The following PAK5 variants were observed in gnomAD, a reference collection of about 807,000 sequenced individuals.
PAK5 encodes the protein p21 (RAC1) activated kinase 5, also known as serine/threonine-protein kinase PAK 5.
PAK5 carries 16 observed loss-of-function variants against 65.9 expected under a neutral mutation model. The observed-to-expected ratio is 0.24, with a 90% CI of 0.16 to 0.37. The LOEUF (loss-of-function observed/expected upper bound fraction) is 0.37, where lower values mean the gene tolerates loss of function less well. Among genes scored for constraint, PAK5 ranks in the 10% least tolerant of loss-of-function variants. The pLI, the probability that PAK5 is intolerant of heterozygous loss-of-function variation, is 1.00. For missense variants in PAK5, 785 were observed against 903.9 expected (o/e 0.87, Z 1.69); for synonymous variants, 371 against 354.9 (o/e 1.05, Z -0.51).
intron 1 of PAK5, among the ~76,000 whole-genome samples, chr20:9,744,781 C>G (rs547164022): frequency 6.6e-6 from 1 of 152,278 alleles, no homozygotes; most frequent in East Asian, 1.9e-4. Flanking sequence ...GTTGACACAC[C>G]CACAGCCCTC....
At chr20:9,739,277 C>T (rs1348766384) in intron 1 of PAK5, among the ~76,000 whole-genome samples, 1 of 150,166 alleles carries the variant, frequency 6.7e-6, no homozygotes, top group Non-Finnish European at 1.5e-5. Context: ...TAAGTGCTCA[C>T]TGACTTCTCT....
At chr20:9,611,567 C>T (rs1423935286) in intron 3 of PAK5, among the ~76,000 whole-genome samples, 14 of 152,224 alleles carry the variant, frequency 9.2e-5, no homozygotes, top group Non-Finnish European at 1.5e-4. Context: ...ATATAAGCCC[C>T]AAGGTCTAGT....
chr20:9,822,246 G>A (rs1463891949), intron 1 of PAK5, among the ~76,000 whole-genome samples: 1 of 145,112 alleles, frequency 6.9e-6, no homozygotes, highest in Non-Finnish European at 1.5e-5. Context: ...CTGAGATCCT[G>A]CCACTGCACT....
chr20:9,799,558 C>A (rs1450929840), intron 1 of PAK5, among the ~76,000 whole-genome samples: 1 of 151,972 alleles, frequency 6.6e-6, no homozygotes, highest in Non-Finnish European at 1.5e-5. Flanking sequence ...GGGAAGATTT[C>A]TATGGGTCTT....
At chr20:9,780,013 A>T (rs2123695475) in intron 1 of PAK5, among the ~76,000 whole-genome samples, 1 of 152,170 alleles carries the variant, frequency 6.6e-6, no homozygotes, top group Non-Finnish European at 1.5e-5. Context: ...ACTCTCAATA[A>T]CAACATTTCT....
intron 1 of PAK5, among the ~76,000 whole-genome samples, chr20:9,835,132 G>A (rs1428376522): frequency 6.6e-6 from 1 of 152,154 alleles, no homozygotes. Context: ...CTTGAAGTTG[G>A]CACAGGAAAA....
chr20:9,657,194 T>C (rs1370846974), intron 2 of PAK5, among the ~76,000 whole-genome samples: 1 of 152,142 alleles, frequency 6.6e-6, no homozygotes, highest in Non-Finnish European at 1.5e-5. Context: ...CTGTTTTCTA[T>C]CTCCACAAAT....
At chr20:9,803,586 A>C (rs1000665054) in intron 1 of PAK5, among the ~76,000 whole-genome samples, 1 of 152,218 alleles carries the variant, frequency 6.6e-6, no homozygotes, top group African/African-American at 2.4e-5. Flanking sequence ...ATGTAGATCA[A>C]GTGGATGTTG....
intron 1 of PAK5, among the ~76,000 whole-genome samples, chr20:9,760,072 G>T (rs1006325549): frequency 1.3e-5 from 2 of 152,118 alleles, no homozygotes; most frequent in South Asian, 4.1e-4. Flanking sequence ...CCATGTAGCT[G>T]TCCTTCCCAT....
At chr20:9,729,864 C>G (rs1176520421) in intron 1 of PAK5, among the ~76,000 whole-genome samples, 1 of 151,474 alleles carries the variant, frequency 6.6e-6, no homozygotes, top group East Asian at 1.9e-4. Flanking sequence ...AAAATACCAC[C>G]AGCCAGGTGT....
At chr20:9,692,342 T>A (rs1010510662) in intron 2 of PAK5, among the ~76,000 whole-genome samples, 1 of 150,596 alleles carries the variant, frequency 6.6e-6, no homozygotes, top group African/African-American at 2.4e-5. Flanking sequence ...ACCTTCCGTA[T>A]GAAAATGCAA....
At chr20:9,713,948 A>C (rs1421262491) in intron 1 of PAK5, among the ~76,000 whole-genome samples, 2 of 152,126 alleles carry the variant, frequency 1.3e-5, no homozygotes, top group Non-Finnish European at 2.9e-5. Context: ...TGGGAGTGCC[A>C]TAGGAAAATT....
At chr20:9,602,279 G>A (rs1428895873) in intron 3 of PAK5, among the ~76,000 whole-genome samples, 1 of 149,292 alleles carries the variant, frequency 6.7e-6, no homozygotes, top group Non-Finnish European at 1.5e-5. Flanking sequence ...AACAAAGCAA[G>A]ACTCTGTCTC....
At chr20:9,765,965 T>C (rs2048752440) in intron 1 of PAK5, among the ~76,000 whole-genome samples, 1 of 152,138 alleles carries the variant, frequency 6.6e-6, no homozygotes, top group Admixed American at 6.5e-5. Flanking sequence ...GGCTCACGCC[T>C]GTAATCCCAG....
chr20:9,722,667 C>T (rs575440965), intron 1 of PAK5, among the ~76,000 whole-genome samples: 9 of 152,000 alleles, frequency 5.9e-5, no homozygotes, highest in Non-Finnish European at 1.0e-4. Context: ...TAGCCAGTGA[C>T]CAGACCACGC....
chr20:9,608,733 G>A (rs1438004969), intron 3 of PAK5, among the ~76,000 whole-genome samples: 1 of 152,186 alleles, frequency 6.6e-6, no homozygotes, highest in African/African-American at 2.4e-5. Flanking sequence ...TTAATTTATA[G>A]GAAGCTGCTG....
chr20:9,735,833 C>T (rs549427257), intron 1 of PAK5, among the ~76,000 whole-genome samples: 61 of 151,866 alleles, frequency 4.0e-4, no homozygotes, highest in Non-Finnish European at 5.0e-4. Flanking sequence ...CAAGACCAGC[C>T]CAGCCAACAT....
intron 9 of PAK5, among the ~76,000 whole-genome samples, chr20:9,540,109 T>C (rs1367479192): frequency 3.9e-5 from 6 of 152,202 alleles, no homozygotes; most frequent in African/African-American, 1.4e-4. Context: ...TAAAGGTATA[T>C]CTTACTTTAT....
intron 1 of PAK5, among the ~76,000 whole-genome samples, chr20:9,775,840 G>A (rs1259464286): frequency 6.6e-6 from 1 of 152,080 alleles, no homozygotes; most frequent in Non-Finnish European, 1.5e-5. Context: ...CCCCTCCATA[G>A]GGACATATTA....
Sources: allele counts gnomAD v4.1 joint callset (sites outside exome capture counted in the v4.1 genomes callset), GRCh38; gene constraint gnomAD v4.1.1; transcripts MANE v1.5; gene names NCBI Gene and HGNC (gene_info 2026-07-23, HGNC 2026-07-21).